Variants in SCAPER observed in about 807,000 individuals in gnomAD.
SCAPER encodes the protein S phase cyclin A-associated protein in the endoplasmic reticulum.
A neutral mutation model predicts 182.2 loss-of-function variants in SCAPER; 98 were observed. The observed-to-expected ratio is 0.54, with a 90% CI of 0.46 to 0.64. The LOEUF (loss-of-function observed/expected upper bound fraction) is 0.64. SCAPER is among the 30% of genes least tolerant of loss of function. The pLI, the probability that SCAPER is intolerant of heterozygous loss-of-function variation, is 0.00. For missense variants in SCAPER, 1,432 were observed against 1,690.0 expected (o/e 0.85, Z 2.68); for synonymous variants, 605 against 564.6 (o/e 1.07, Z -1.01).
chr15:76,678,881 A>G (rs1003778084), intron 20 of SCAPER, among the ~76,000 whole-genome samples: 2 of 152,212 alleles, frequency 1.3e-5, no homozygotes, highest in African/African-American at 4.8e-5. Flanking sequence ...CTATGTATCA[A>G]GGACTTATGC....
intron 5 of SCAPER, among the ~76,000 whole-genome samples, chr15:76,821,952 CAA>C (rs1270882387): frequency 2.0e-5 from 3 of 151,398 alleles, no homozygotes; most frequent in African/African-American, 7.3e-5. Context: ...CTGAAAAAAG[CAA>C]AACTAGAGAG....
At chr15:76,725,852 A>T (rs1216020958) in intron 17 of SCAPER, among the ~76,000 whole-genome samples, 1 of 151,752 alleles carries the variant, frequency 6.6e-6, no homozygotes, top group African/African-American at 2.4e-5. Flanking sequence ...AAACTATCCA[A>T]GATCTAAACA....
chr15:76,759,991 T>C (rs1479752929), intron 14 of SCAPER, among the ~76,000 whole-genome samples: 6 of 152,200 alleles, frequency 3.9e-5, no homozygotes, highest in Non-Finnish European at 5.9e-5. Context: ...GTTTGGGAGT[T>C]GTAAGAGATA....
intron 17 of SCAPER, among the ~76,000 whole-genome samples, chr15:76,710,854 T>C (rs2150869340): frequency 6.6e-6 from 1 of 152,194 alleles, no homozygotes; most frequent in South Asian, 2.1e-4. Flanking sequence ...ACTACAGTAA[T>C]TAAAACTGTA....
At chr15:76,751,849 A>C (rs143285057) in intron 15 of SCAPER, among the ~76,000 whole-genome samples, 2 of 151,842 alleles carry the variant, frequency 1.3e-5, no homozygotes, top group African/African-American at 4.8e-5. Flanking sequence ...CACCAAAGTC[A>C]CAGGCAACAA....
chr15:76,717,332 A>C (rs1418132765), intron 17 of SCAPER, among the ~76,000 whole-genome samples: 1 of 152,138 alleles, frequency 6.6e-6, no homozygotes, highest in Non-Finnish European at 1.5e-5. Flanking sequence ...CCATGGATAC[A>C]CATAAAGTAT....
At chr15:76,554,788 C>CCTTTT (rs397950459) in intron 23 of SCAPER, among the ~76,000 whole-genome samples, 3 of 71,116 alleles carry the variant, frequency 4.2e-5, no homozygotes. Context: ...ATTCAGCATT[C>CCTTTT]TTTTTTTTTT....
chr15:76,702,050 A>G (rs1439768627), intron 19 of SCAPER, among the ~76,000 whole-genome samples, 185 bp from the exon 20 acceptor site: 2 of 152,078 alleles, frequency 1.3e-5, no homozygotes, highest in Non-Finnish European at 2.9e-5. Context: ...TTAAAAAAAA[A>G]GACTTGGGAG....
At chr15:76,651,510 T>A (rs1046685210) in intron 21 of SCAPER, among the ~76,000 whole-genome samples, 1 of 151,576 alleles carries the variant, frequency 6.6e-6, no homozygotes, top group African/African-American at 2.4e-5. Flanking sequence ...ATTTTTTCAA[T>A]GCAAGCACAC....
chr15:76,573,212 G>C (rs1465520337), intron 23 of SCAPER, among the ~76,000 whole-genome samples: 1 of 152,074 alleles, frequency 6.6e-6, no homozygotes, highest in Non-Finnish European at 1.5e-5. Flanking sequence ...CTTTAATTCT[G>C]TACAGTATTC....
chr15:76,433,229 C>T (rs2046978362), intron 26 of SCAPER, among the ~76,000 whole-genome samples: 1 of 152,082 alleles, frequency 6.6e-6, no homozygotes, highest in Admixed American at 6.6e-5. Flanking sequence ...CAAGAAAAGC[C>T]AGGTGTGGTG....
intron 5 of SCAPER, among the ~76,000 whole-genome samples, chr15:76,826,286 A>G (rs898058807): frequency 6.6e-6 from 1 of 151,572 alleles, no homozygotes; most frequent in Non-Finnish European, 1.5e-5. Flanking sequence ...ATTGGAAATC[A>G]TCATTCTCAG....
intron 29 of SCAPER, among the ~76,000 whole-genome samples, chr15:76,371,293 C>G (rs1460269214): frequency 6.6e-6 from 1 of 151,346 alleles, no homozygotes; most frequent in Non-Finnish European, 1.5e-5. Context: ...TAAGGTATTT[C>G]TACCTTATAA....
chr15:76,670,841 C>T (rs1049071551), intron 20 of SCAPER, among the ~76,000 whole-genome samples: 1 of 152,086 alleles, frequency 6.6e-6, no homozygotes, highest in Non-Finnish European at 1.5e-5. Context: ...TATGCTTTTG[C>T]TTCTTCTAAG....
At chr15:76,585,046 T>C (rs1375234656) in intron 22 of SCAPER, among the ~76,000 whole-genome samples, 2 of 152,164 alleles carry the variant, frequency 1.3e-5, no homozygotes, top group Non-Finnish European at 2.9e-5. Context: ...AGAACAGAAA[T>C]AGAAACTCTA....
At chr15:76,692,606 T>C (rs1315146908) in intron 20 of SCAPER, among the ~76,000 whole-genome samples, 2 of 149,340 alleles carry the variant, frequency 1.3e-5, no homozygotes, top group African/African-American at 4.9e-5. Context: ...TGAGAATCAC[T>C]TGAACCCAGG....
At chr15:76,754,577 A>G (rs969614310) in intron 14 of SCAPER, among the ~76,000 whole-genome samples, 2 of 152,110 alleles carry the variant, frequency 1.3e-5, no homozygotes, top group African/African-American at 4.8e-5. Context: ...TCCTTAAAAC[A>G]ATCTCAAACA....
At chr15:76,540,623 G>A (rs1255539478) in intron 23 of SCAPER, among the ~76,000 whole-genome samples, 1 of 151,820 alleles carries the variant, frequency 6.6e-6, no homozygotes, top group East Asian at 1.9e-4. Flanking sequence ...TGTTAAAATT[G>A]TTATGTCTGA....
At chr15:76,450,101 G>C (rs772674246) in intron 25 of SCAPER, among the ~76,000 whole-genome samples, 1 of 152,190 alleles carries the variant, frequency 6.6e-6, no homozygotes, top group Non-Finnish European at 1.5e-5. Context: ...CTGTGGATCT[G>C]AATCTGCTAA....
Sources: gnomAD v4.1 joint callset for allele counts (sites outside exome capture counted in the v4.1 genomes callset) on GRCh38, gnomAD v4.1.1 for gene constraint, MANE v1.5 for transcripts, NCBI Gene and HGNC (gene_info 2026-07-23, HGNC 2026-07-21) for gene names.